Variants in CAMSAP1 observed in about 807,000 individuals in gnomAD.
The protein encoded by CAMSAP1 is calmodulin-regulated spectrin-associated protein 1.
In CAMSAP1, 58 loss-of-function variants were observed where a neutral mutation model predicts 143.5. The ratio of observed to expected loss-of-function variants is 0.40; its 90% CI spans 0.33 to 0.50. CAMSAP1 has a LOEUF of 0.50. Among genes scored for constraint, CAMSAP1 ranks in the 20% least tolerant of loss-of-function variants. The pLI, the probability that CAMSAP1 is intolerant of heterozygous loss-of-function variation, is 0.45. For synonymous variants in CAMSAP1, 945 were observed against 859.3 expected (o/e 1.10, Z -1.74); for missense variants, 1,969 against 2,115.7 (o/e 0.93, Z 1.36).
chr9:135,837,090 T>C (rs1165227913), intron 7 of CAMSAP1, among the ~76,000 whole-genome samples: 2 of 149,770 alleles, frequency 1.3e-5, no homozygotes, highest in Non-Finnish European at 3.0e-5. Context: ...TCACGCACTT[T>C]CTACCCATTC....
Position 135,821,126 on chromosome 9 carries a change from TC to T in CAMSAP1, c.3534del (p.Thr1179HisfsTer17). 6.2e-7 allele frequency: 1 copy of T among 1,613,446 alleles called. No homozygotes were observed. ...SYRLHDESNQ[R>X]TLTLSSSKDA... ...TCTTTGGAAGAGGACAGAGTAAGTG[TC>T]CGCTGATTGCTTTCATCATGGAGCC... On this transcript the variant is annotated frameshift_variant, in exon 11 of 17. Transcript: ENST00000389532. LOFTEE classifies it high-confidence loss of function. This position sits in a 1 kb window ranked among gnomAD's most constrained non-coding sequence, Gnocchi z 4.6.
chr9:135,866,395 C>G, intron 4 of CAMSAP1, 61 bp downstream of exon 4: 1 of 846,306 alleles, frequency 1.2e-6, no homozygotes, highest in Non-Finnish European at 2.0e-6. Context: ...TAACAGAATT[C>G]TTTAAAATTG....
intron 4 of CAMSAP1, among the ~76,000 whole-genome samples, chr9:135,863,884 C>G (rs116110223): frequency 6.6e-6 from 1 of 152,110 alleles, no homozygotes; most frequent in African/African-American, 2.4e-5. Flanking sequence ...GGGGGGAACA[C>G]AGGCATGCGG....
chr9:135,859,247 G>T (rs1232978339), intron 5 of CAMSAP1, among the ~76,000 whole-genome samples: 1 of 152,224 alleles, frequency 6.6e-6, no homozygotes, highest in Non-Finnish European at 1.5e-5. Flanking sequence ...TTTACTGTCT[G>T]TAAGTGAGCA....
intron 1 of CAMSAP1, among the ~76,000 whole-genome samples, chr9:135,899,606 A>G (rs1280557373): frequency 2.0e-5 from 3 of 152,152 alleles, no homozygotes; most frequent in Admixed American, 2.0e-4. Flanking sequence ...TCAGCCACTC[A>G]AAGCATTCTG....
At position 135,837,912 on chromosome 9, in the gene CAMSAP1, C is replaced by T. The variant is rs557285676; in HGVS notation, c.1046-10328G>A. ...CCCGTTCTACAGACACACGTTATCA[C>T]GCACTTTCCACCTGTTCTACAGACA... is the stretch of plus-strand genomic sequence containing the variant. On this transcript the variant is annotated intron_variant, in intron 7 of 16. Coordinates refer to ENST00000389532, the MANE Select transcript of CAMSAP1 (RefSeq NM_015447.4). 1.1e-4 allele frequency among the ~76,000 whole-genome samples: 17 copies of T among 151,030 alleles called. No homozygotes were observed. The South Asian group carries it at 2.1e-3, about 19-fold the overall frequency.
At position 135,824,994 on chromosome 9, in the gene CAMSAP1, C is replaced by T. The variant is rs1207055659; in HGVS notation, c.1224-114G>A. On this transcript the variant is annotated intron_variant, in intron 8 of 16. Transcript: ENST00000389532. The surrounding 1 kb of genome is among the most constrained non-coding windows in gnomAD (Gnocchi z 4.1). ...AATTCACACCAAGTTTTGAGAAACTCGGACTGTTTGGGAAAAAAATGACAA... is the reference window on the plus strand; with the variant it reads ...AATTCACACCAAGTTTTGAGAAACTTGGACTGTTTGGGAAAAAAATGACAA... The T allele has an allele frequency of 3.6e-6, 3 of 829,158 alleles. No homozygotes were observed. Among genetic ancestry groups the T allele is most frequent in the African/African-American group, 1.8e-5 (1 of 56,444 alleles). The allele number at this position is 829,158 out of a possible 1,614,324, so 51.4% of individuals were successfully genotyped here.
intron 7 of CAMSAP1, among the ~76,000 whole-genome samples, chr9:135,829,638 G>A (rs1481677629): frequency 2.0e-5 from 3 of 152,120 alleles, no homozygotes; most frequent in African/African-American, 7.2e-5. Context: ...TGGATCACCC[G>A]AGGTTGGGAG....
chr9:135,886,052 ATACC>A (rs1838111482), intron 1 of CAMSAP1, among the ~76,000 whole-genome samples: 1 of 138,450 alleles, frequency 7.2e-6, no homozygotes, highest in South Asian at 2.4e-4. Context: ...ATCAAAATCA[ATACC>A]TACTTAAAAA....
chr9:135,846,682 C>CAAAAAAAAAAAAAAAA (rs752714756), intron 7 of CAMSAP1, among the ~76,000 whole-genome samples: 7 of 53,732 alleles, frequency 1.3e-4, no homozygotes, highest in Non-Finnish European at 2.1e-4. Context: ...ACAAATTTAC[C>CAAAAAAAAAAAAAAAA]AAAAAAAAAA....
chr9:135,876,257 T>C (rs1342979900), intron 3 of CAMSAP1, among the ~76,000 whole-genome samples: 1 of 152,176 alleles, frequency 6.6e-6, no homozygotes, highest in Non-Finnish European at 1.5e-5. Flanking sequence ...CCAGCCAACC[T>C]TTGCTTTTTG....
At chr9:135,839,157 C>T (rs1209491436) in intron 7 of CAMSAP1, among the ~76,000 whole-genome samples, 1 of 152,226 alleles carries the variant, frequency 6.6e-6, no homozygotes, top group African/African-American at 2.4e-5. Context: ...ATCTGTCTTT[C>T]CTGAGGAAAC....
chr9:135,815,347 T>C (rs962419644), intron 15 of CAMSAP1, 132 bp from the exon 16 acceptor site: 2 of 507,642 alleles, frequency 3.9e-6, no homozygotes, highest in African/African-American at 3.9e-5. Flanking sequence ...TATTTAAAAA[T>C]GGGAAGTAAA....
chr9:135,889,750 G>T (rs763086281), intron 1 of CAMSAP1, among the ~76,000 whole-genome samples: 1 of 152,200 alleles, frequency 6.6e-6, no homozygotes, highest in Non-Finnish European at 1.5e-5. Flanking sequence ...CTGAGAGGCC[G>T]TGGGAGCGCA....
intron 3 of CAMSAP1, among the ~76,000 whole-genome samples, chr9:135,868,609 ATTT>A (rs767495608): frequency 0.011 from 1,007 of 93,352 alleles, 9 homozygotes; most frequent in African/African-American, 0.045. Flanking sequence ...GAGATTGGCA[ATTT>A]TTTTTTTTTT....
intron 1 of CAMSAP1, 51 bp downstream of exon 1, chr9:135,906,948 CG>C: frequency 3.1e-6 from 3 of 958,180 alleles, no homozygotes; most frequent in Non-Finnish European, 3.8e-6. Context: ...CCGCGTCCCC[CG>C]GCCCCGGCCC....
In CAMSAP1 at chr9:135,826,385, C is replaced by A. The variant is rs1413420125; in HGVS notation, c.1223+1022G>T. 1 of 152,308 alleles carries A rather than the reference C, an allele frequency of 6.6e-6. No homozygotes were observed. Among genetic ancestry groups the A allele is most frequent in the Non-Finnish European group, 1.5e-5 (1 of 68,096 alleles). 9.4% of individuals were successfully genotyped at this position (152,308 alleles called of 1,614,324 possible). A position where few individuals can be genotyped will look rare whatever the true frequency, so the allele number is the denominator to read the frequency against. ...CTGCTCTGAGCTCTGGGGACAGACA[C>A]CCCAGTCTCAAAGCCGCCCAACACA... On this transcript the variant is annotated intron_variant, in intron 8 of 16. Transcript: ENST00000389532. This position sits in a 1 kb window ranked among gnomAD's most constrained non-coding sequence, Gnocchi z 4.4.
rs1348782345 is a variant in CAMSAP1, at chr9:135,818,103, C to T, written c.4169-24G>A. ...AGCTGCCAGAGACAGAAACAGACGA[C>T]GGTTCATGAACGGATTCCGACAGAC... On this transcript the variant is annotated intron_variant, in intron 13 of 16. Transcript: ENST00000389532. This position sits in a 1 kb window ranked among gnomAD's most constrained non-coding sequence, Gnocchi z 7.7. The T allele has an allele frequency of 4.4e-6, 7 of 1,608,864 alleles. No individual in the cohort carries two copies. The highest frequency in any genetic ancestry group is 1.1e-5 in the South Asian group (1 of 90,868).
At chr9:135,879,991 T>C (rs879792397) in intron 3 of CAMSAP1, among the ~76,000 whole-genome samples, 6 of 152,018 alleles carry the variant, frequency 3.9e-5, no homozygotes, top group Non-Finnish European at 7.4e-5. Context: ...AGAAAAACTA[T>C]CAGAATTTTT....
Sources: allele counts gnomAD v4.1 joint callset (sites outside exome capture counted in the v4.1 genomes callset), GRCh38; gene constraint gnomAD v4.1.1; non-coding constraint Gnocchi (gnomAD v3.1); transcripts MANE v1.5; gene names NCBI Gene and HGNC (gene_info 2026-07-23, HGNC 2026-07-21).